SCUBE1: variants seen among roughly 807,000 people sequenced by gnomAD.
SCUBE1 encodes signal peptide, CUB and EGF-like domain-containing protein 1.
In SCUBE1, 59 loss-of-function variants were observed where a neutral mutation model predicts 124.4. The ratio of observed to expected loss-of-function variants is 0.47; its 90% CI spans 0.38 to 0.59. SCUBE1 has a LOEUF of 0.59. Ranked by LOEUF, SCUBE1 falls within the 20% of genes least tolerant of loss-of-function variation. SCUBE1 has a pLI of 0.00. For missense variants in SCUBE1, 1,150 were observed against 1,371.2 expected, an observed-to-expected ratio of 0.84 and a Z score of 2.55; for synonymous variants, 545 against 550.9, an observed-to-expected ratio of 0.99 and a Z score of 0.15.
intron 21 of SCUBE1, among the ~76,000 whole-genome samples, chr22:43,205,669 C>A (rs1921205410): frequency 7.1e-6 from 1 of 140,466 alleles, no homozygotes; most frequent in Non-Finnish European, 1.5e-5. Context: ...ACACCACACA[C>A]CCACTCACCA....
chr22:43,304,055 C>A (rs566194127), intron 3 of SCUBE1, among the ~76,000 whole-genome samples: 1 of 152,172 alleles, frequency 6.6e-6, no homozygotes, highest in South Asian at 2.1e-4. Context: ...TGGGCAGCTA[C>A]GGCCCTTTTC....
chr22:43,229,820 G>GA, intron 8 of SCUBE1, among the ~76,000 whole-genome samples: 1 of 152,102 alleles, frequency 6.6e-6, no homozygotes, highest in South Asian at 2.1e-4. Context: ...TCCTGGAAAG[G>GA]AAAAAATGAA....
rs780130812 is a variant in SCUBE1 at position 43,231,868 on chromosome 22, G to C, written c.852C>G (p.Asn284Lys). The C allele has an allele frequency of 1.2e-6, 2 of 1,613,302 alleles. No homozygotes were observed. Among genetic ancestry groups the C allele is most frequent in the Non-Finnish European group, 1.7e-6 (2 of 1,179,616 alleles). ...AGCCTCCGTTGTTGACCAGGCACTC[G>C]TTGATGTCTGTGGGAGCCAAGGGGG... is the stretch of plus-strand genomic sequence containing the variant. ...QPDGKTCKDI[N>K]ECLVNNGGCD... The change falls in exon 8 of 22, where the codon AAC (asparagine) becomes AAG (lysine). Residue 284 changes from asparagine (N) to lysine (K), a missense_variant. Coordinates refer to ENST00000360835, the MANE Select transcript of SCUBE1 (RefSeq NM_173050.5).
chr22:43,218,180 C>A, intron 15 of SCUBE1, 75 bp downstream of exon 15: 1 of 1,454,968 alleles, frequency 6.9e-7, no homozygotes, highest in Non-Finnish European at 9.6e-7. Flanking sequence ...ACCTGCGTGC[C>A]CACCACTGTT....
intron 4 of SCUBE1, among the ~76,000 whole-genome samples, chr22:43,272,788 T>C (rs1469753584): frequency 6.6e-6 from 1 of 152,138 alleles, no homozygotes; most frequent in African/African-American, 2.4e-5. Flanking sequence ...CCAGAATGGA[T>C]TGGTTTTCTG....
chr22:43,290,118 T>C (rs1925301515), intron 4 of SCUBE1, among the ~76,000 whole-genome samples: 1 of 152,218 alleles, frequency 6.6e-6, no homozygotes, highest in Non-Finnish European at 1.5e-5. Flanking sequence ...CACACTCTGC[T>C]TTGGTACACA....
chr22:43,272,230 C>T lies in SCUBE1; in HGVS notation c.485-9385G>A, dbSNP rs762683119. Among the ~76,000 whole-genome samples, 50 of 152,062 alleles carry T rather than the reference C, an allele frequency of 3.3e-4. 1 individual carries two copies. Among genetic ancestry groups the T allele is most frequent in the Non-Finnish European group, 6.6e-4 (45 of 68,014 alleles). On this transcript the variant is annotated intron_variant, in intron 4 of 21. Coordinates refer to ENST00000360835, the MANE Select transcript of SCUBE1 (RefSeq NM_173050.5). The stretch of plus-strand genomic sequence containing the variant: ...CAGAGCCTCTTGGGGTCCTGGGTCC[C>T]AGCTGGGTGTGTGACCCAGCAAAGA...
At chr22:43,293,829 A>C (rs183548365) in intron 3 of SCUBE1, among the ~76,000 whole-genome samples, 424 of 152,310 alleles carry the variant, frequency 2.8e-3, no homozygotes, top group Middle Eastern at 0.014. Flanking sequence ...ACAGACTCTC[A>C]AATGCTGAGT....
At chr22:43,285,050 C>T (rs922996244) in intron 4 of SCUBE1, among the ~76,000 whole-genome samples, 4 of 152,174 alleles carry the variant, frequency 2.6e-5, no homozygotes, top group African/African-American at 7.2e-5. Context: ...GCAGTCCTTG[C>T]GGGGAGAACC....
At chr22:43,332,433 G>C (rs1926931875) in intron 2 of SCUBE1, among the ~76,000 whole-genome samples, 1 of 152,178 alleles carries the variant, frequency 6.6e-6, no homozygotes, top group Non-Finnish European at 1.5e-5. Flanking sequence ...CAGCAGCAAG[G>C]GAGCGAGTCC....
chr22:43,322,245 A>G (rs1347337628), intron 2 of SCUBE1, among the ~76,000 whole-genome samples: 1 of 152,166 alleles, frequency 6.6e-6, no homozygotes, highest in African/African-American at 2.4e-5. Context: ...GGCCTCCCAA[A>G]GTGCTGGGAT....
intron 3 of SCUBE1, among the ~76,000 whole-genome samples, chr22:43,302,757 G>A (rs1425080930): frequency 2.6e-5 from 4 of 152,204 alleles, no homozygotes; most frequent in African/African-American, 7.2e-5. Flanking sequence ...TCTTTTGATG[G>A]GGATAAGAAT....
At chr22:43,283,956 C>G (rs866989569) in intron 4 of SCUBE1, 8 of 152,164 alleles carry the variant, frequency 5.3e-5, no homozygotes, top group South Asian at 2.1e-4. Flanking sequence ...TAAATTTAAC[C>G]AGAGGTCATC....
chr22:43,277,209 G>T (rs1275356434), intron 4 of SCUBE1, among the ~76,000 whole-genome samples: 2 of 152,190 alleles, frequency 1.3e-5, no homozygotes, highest in Admixed American at 6.5e-5. Context: ...GGAGCTGTGT[G>T]GGCAGAGGCC....
At chr22:43,301,675 G>A (rs1233235752) in intron 3 of SCUBE1, among the ~76,000 whole-genome samples, 3 of 152,086 alleles carry the variant, frequency 2.0e-5, no homozygotes, top group Non-Finnish European at 4.4e-5. Context: ...CACCCACCTG[G>A]AATCTTCCTT....
rs554411836 is a variant in SCUBE1 at position 43,210,359 on chromosome 22, C to G, written c.2384-119G>C. 7.4e-6 allele frequency: 6 copies of G among 815,366 alleles called. No homozygotes were observed. Among genetic ancestry groups the G allele is most frequent in the Middle Eastern group, 7.4e-4 (2 of 2,694 alleles). The allele number at this position is 815,366 out of a possible 1,614,324, so 50.5% of individuals were successfully genotyped here. ...GGCTGGAAGGTGCTCTTGTCCCCCC[C>G]CACACTAGCCCTCGGACCCTGAGCC... On this transcript the variant is annotated intron_variant, in intron 18 of 21. Transcript: ENST00000360835. This position sits in a 1 kb window ranked among gnomAD's most constrained non-coding sequence, Gnocchi z 4.5.
In SCUBE1 at chr22:43,310,341, G is replaced by T. The variant is rs1446009383; in HGVS notation, c.349+9596C>A. Among the ~76,000 whole-genome samples, 5 of 152,284 alleles carry T rather than the reference G, an allele frequency of 3.3e-5. No individual in the cohort carries two copies. The East Asian group carries it at 7.7e-4, about 24-fold the overall frequency. ...CTCTGTTACCCCCCTCATTGGTGGA[G>T]GTGACTTCTCAGGCTAGACTGTCAA... On this transcript the variant is annotated intron_variant, in intron 3 of 21. Coordinates refer to ENST00000360835, the MANE Select transcript of SCUBE1 (RefSeq NM_173050.5).
At chr22:43,221,315 GT>G in intron 12 of SCUBE1, 26 bp from the exon 13 acceptor site, 1 of 1,535,526 alleles carries the variant, frequency 6.5e-7, no homozygotes, top group Non-Finnish European at 8.9e-7. Flanking sequence ...ATTCCCCCAG[GT>G]GGTGGCCTCT....
intron 4 of SCUBE1, among the ~76,000 whole-genome samples, chr22:43,266,535 C>G (rs533041634): frequency 3.9e-5 from 6 of 152,176 alleles, no homozygotes; most frequent in African/African-American, 1.2e-4. Context: ...CTCCCTGCAG[C>G]GCATCTTGTC....
Sources: gnomAD v4.1 joint callset for allele counts (sites outside exome capture counted in the v4.1 genomes callset) on GRCh38, gnomAD v4.1.1 for gene constraint, Gnocchi (gnomAD v3.1) non-coding constraint, MANE v1.5 for transcripts, NCBI Gene and HGNC (gene_info 2026-07-23, HGNC 2026-07-21) for gene names.